C9orf43: variants seen among roughly 807,000 people sequenced by gnomAD.
C9orf43 encodes chromosome 9 open reading frame 43.
In C9orf43, 45 loss-of-function variants were observed where a neutral mutation model predicts 59.1. That is an observed-to-expected ratio of 0.76 (90% CI 0.60 to 0.98). The LOEUF is 0.98. Among genes scored for constraint, C9orf43 ranks in the 50% least tolerant of loss-of-function variants. The pLI, the probability that C9orf43 is intolerant of heterozygous loss-of-function variation, is 0.00. For synonymous variants in C9orf43, 203 were observed against 196.8 expected, an observed-to-expected ratio of 1.03 and a Z score of -0.26; for missense variants, 533 against 554.9, an observed-to-expected ratio of 0.96 and a Z score of 0.40.
chr9:113,417,605 C>G (rs1828413865), intron 3 of C9orf43, among the ~76,000 whole-genome samples: 1 of 152,226 alleles, frequency 6.6e-6, no homozygotes, highest in African/African-American at 2.4e-5. Context: ...AGTCAGGGCA[C>G]TGTCTTCTGT....
intron 4 of C9orf43, chr9:113,420,665 C>T: frequency 3.3e-6 from 2 of 611,936 alleles, no homozygotes; most frequent in Non-Finnish European, 4.1e-6. Flanking sequence ...TATATAAATG[C>T]CTATAATTGT....
intron 3 of C9orf43, 58 bp from the exon 4 acceptor site, chr9:113,419,050 G>T: frequency 7.1e-7 from 1 of 1,400,972 alleles, no homozygotes. Flanking sequence ...TAGCACTAAC[G>T]TTATCATTCC....
intron 1 of C9orf43, among the ~76,000 whole-genome samples, chr9:113,412,387 T>A (rs1828203380): frequency 6.6e-6 from 1 of 152,268 alleles, no homozygotes; most frequent in South Asian, 2.1e-4. Flanking sequence ...AGTTTATCTT[T>A]GATCTAAATT....
intron 1 of C9orf43, among the ~76,000 whole-genome samples, 174 bp from the exon 2 acceptor site, chr9:113,413,271 C>T (rs892819208): frequency 6.6e-6 from 1 of 152,190 alleles, no homozygotes; most frequent in South Asian, 2.1e-4. Context: ...TGCCATTCTA[C>T]TTTATGCTGA....
Position 113,429,618 on chromosome 9 carries a change from A to C in C9orf43, c.*232A>C. On this transcript the variant is annotated 3_prime_UTR_variant, in exon 14 of 14. Coordinates refer to ENST00000374165, the MANE Select transcript of C9orf43 (RefSeq NM_001278629.2). ...AGGAGAAAAATCCCCAGCCTTTTTA[A>C]ATTTAGATTATTTCCTTTCCATTAG... 2.1e-6 allele frequency: 1 copy of C among 487,200 alleles called. No individual in the cohort carries two copies. Among genetic ancestry groups the C allele is most frequent in the African/African-American group, 1.9e-5 (1 of 51,622 alleles). 30.2% of individuals were successfully genotyped at this position (487,200 alleles called of 1,614,324 possible). A position where few individuals can be genotyped will look rare whatever the true frequency, so the allele number is the denominator to read the frequency against.
intron 6 of C9orf43, 111 bp downstream of exon 6, chr9:113,422,696 A>G (rs1181124869): frequency 5.6e-6 from 7 of 1,260,082 alleles, no homozygotes; most frequent in Non-Finnish European, 7.7e-6. Flanking sequence ...AAATGATCCA[A>G]ATCTGCTAAA....
intron 1 of C9orf43, among the ~76,000 whole-genome samples, chr9:113,411,745 C>A (rs1220890387): frequency 6.6e-6 from 1 of 152,168 alleles, no homozygotes; most frequent in Non-Finnish European, 1.5e-5. Flanking sequence ...GCGGCACGGT[C>A]TCGGCTCACT....
At position 113,421,198 on chromosome 9, in the gene C9orf43, T is replaced by A; in HGVS notation, c.441T>A (p.His147Gln). 6.2e-7 allele frequency: 1 copy of A among 1,603,148 alleles called. No homozygotes were observed. The highest frequency in any genetic ancestry group is 8.5e-7 in the Non-Finnish European group (1 of 1,170,376). The change falls in exon 5 of 14, where the codon CAT becomes CAA. Residue 147 changes from histidine (H) to glutamine (Q), a missense_variant. Transcript: ENST00000374165. ...GGATCCCAGAAGAAACAGAGATACA[T>A]GTGAGGTGAGTATCATATCTGGAAC... ...VLWIPEETEI[H>Q]VSQHGKKKRK...
Position 113,424,232 on chromosome 9 carries a change from A to G in C9orf43, c.723A>G (p.Lys241=). 1.2e-6 allele frequency: 2 copies of G among 1,614,078 alleles called. No homozygotes were observed. The highest frequency in any genetic ancestry group is 1.7e-6 in the Non-Finnish European group (2 of 1,179,982). The part of the protein sequence containing the change: ...PEMKIKLAMM[K]KNLPLEKNRP... ...TGAAGATAAAATTGGCCATGATGAAAAAGAATCTTCCCTTGGAAAAGAACC... is the reference window on the plus strand; with the variant it reads ...TGAAGATAAAATTGGCCATGATGAAGAAGAATCTTCCCTTGGAAAAGAACC... The change falls in exon 8 of 14, where the codon AAA becomes AAG. Residue 241 remains lysine (K), a synonymous_variant. Transcript: ENST00000374165.
intron 3 of C9orf43, among the ~76,000 whole-genome samples, chr9:113,418,211 C>T (rs970355806): frequency 2.0e-5 from 3 of 152,326 alleles, no homozygotes; most frequent in East Asian, 3.9e-4. Flanking sequence ...TATCCATTAA[C>T]AGCAACTCCC....
intron 3 of C9orf43, among the ~76,000 whole-genome samples, chr9:113,417,269 C>T (rs745517519): frequency 6.6e-5 from 10 of 152,224 alleles, no homozygotes; most frequent in Non-Finnish European, 8.8e-5. Context: ...CCACTAGCCT[C>T]TGATACTCTC....
intron 7 of C9orf43, among the ~76,000 whole-genome samples, 176 bp from the exon 8 acceptor site, chr9:113,423,990 C>T (rs1828686056): frequency 6.6e-6 from 1 of 152,184 alleles, no homozygotes; most frequent in Non-Finnish European, 1.5e-5. Flanking sequence ...TGAGTATATG[C>T]AGCTATGATG....
intron 11 of C9orf43, among the ~76,000 whole-genome samples, chr9:113,426,915 G>A (rs1378124738): frequency 1.3e-5 from 2 of 152,196 alleles, no homozygotes; most frequent in African/African-American, 2.4e-5. Flanking sequence ...TTGAGTATGT[G>A]TGGGAGTTTT....
chr9:113,422,971 A>G (rs531487854), intron 6 of C9orf43, among the ~76,000 whole-genome samples: 1 of 152,320 alleles, frequency 6.6e-6, no homozygotes, highest in Non-Finnish European at 1.5e-5. Flanking sequence ...AAGTCACTGT[A>G]AGACTGCTAT....
intron 3 of C9orf43, among the ~76,000 whole-genome samples, chr9:113,416,526 G>C (rs888829314): frequency 6.6e-6 from 1 of 151,950 alleles, no homozygotes; most frequent in Non-Finnish European, 1.5e-5. Context: ...ACGAGATCTG[G>C]CCTTCCTACT....
intron 1 of C9orf43, 48 bp from the exon 2 acceptor site, chr9:113,413,397 A>G (rs1828243770): frequency 6.8e-7 from 1 of 1,465,392 alleles, no homozygotes. Flanking sequence ...TCTGGACTGT[A>G]TGGCTAATGT....
intron 12 of C9orf43, 94 bp downstream of exon 12, chr9:113,428,317 C>T: frequency 2.5e-6 from 3 of 1,179,768 alleles, no homozygotes; most frequent in Non-Finnish European, 3.8e-6. Context: ...TTTGCTATTG[C>T]TAATGATTCT....
Position 113,425,354 on chromosome 9 carries a change from ACAGCAGCAGCGGCAGCAGCAG to A in C9orf43, c.887_907del (p.Arg296_Gln302del), listed in dbSNP as rs750449183. The A allele has an allele frequency of 1.9e-6, 3 of 1,613,670 alleles. No homozygotes were observed. Among genetic ancestry groups the A allele is most frequent in the Non-Finnish European group, 2.5e-6 (3 of 1,179,912 alleles). Reference sequence around the variant, plus strand: ...CTCTCTGGTCACCAGGTTACAGGAAACAGCAGCAGCGGCAGCAGCAGCAGCAGCAGCAACAGAAGAAGGTGA... The same window carrying A: ...CTCTCTGGTCACCAGGTTACAGGAAACAGCAGCAGCAACAGAAGAAGGTGA... On this transcript the variant is annotated inframe_deletion, in exon 10 of 14. Transcript: ENST00000374165.
At chr9:113,420,619 A>C (rs113717270) in intron 4 of C9orf43, 12,337 of 255,694 alleles carry the variant, frequency 0.048, 337 homozygotes, top group South Asian at 0.1. Flanking sequence ...TAGGATCCTA[A>C]ATAGCTAAAT....
Sources: allele counts gnomAD v4.1 joint callset (sites outside exome capture counted in the v4.1 genomes callset), GRCh38; gene constraint gnomAD v4.1.1; transcripts MANE v1.5; gene names NCBI Gene and HGNC (gene_info 2026-07-23, HGNC 2026-07-21).